Variants in CTNNA3 observed in about 807,000 individuals in gnomAD.
The protein encoded by CTNNA3 is catenin alpha-3.
A neutral mutation model predicts 95.7 loss-of-function variants in CTNNA3; 76 were observed. That is an observed-to-expected ratio of 0.79 (90% CI 0.66 to 0.96). CTNNA3 has a LOEUF of 0.96. Ranked by LOEUF, CTNNA3 falls within the 40% of genes least tolerant of loss-of-function variation. The probability of loss-of-function intolerance (pLI) is 0.00; values close to 1 mark genes in which losing one functional copy is unlikely to be tolerated. For missense variants in CTNNA3, 1,191 were observed against 1,089.8 expected (o/e 1.09, Z -1.31); for synonymous variants, 431 against 374.4 (o/e 1.15, Z -1.74).
chr10:67,735,109 C>T (rs1841295366), intron 1 of CTNNA3, among the ~76,000 whole-genome samples: 1 of 149,840 alleles, frequency 6.7e-6, no homozygotes, highest in African/African-American at 2.5e-5. Context: ...TTAACATGTC[C>T]ACCCTTCCAG....
intron 5 of CTNNA3, among the ~76,000 whole-genome samples, chr10:67,234,063 C>T (rs910770143): frequency 1.3e-5 from 2 of 152,170 alleles, no homozygotes; most frequent in Admixed American, 1.3e-4. Context: ...GCTGGATTCA[C>T]AGCCGAATTC....
chr10:67,532,359 G>T (rs897348715), intron 4 of CTNNA3, among the ~76,000 whole-genome samples: 8 of 152,170 alleles, frequency 5.3e-5, no homozygotes, highest in South Asian at 2.1e-4. Context: ...TGGCCTCGGA[G>T]AGTCTCAGCT....
intron 7 of CTNNA3, among the ~76,000 whole-genome samples, chr10:67,027,556 T>C (rs1178613941): frequency 6.6e-6 from 1 of 151,626 alleles, no homozygotes; most frequent in Non-Finnish European, 1.5e-5. Flanking sequence ...TGCCTCAGCC[T>C]TCCGAGTAGC....
chr10:67,442,316 AC>A (rs538846075), intron 5 of CTNNA3, among the ~76,000 whole-genome samples: 47 of 152,264 alleles, frequency 3.1e-4, no homozygotes, highest in African/African-American at 1.0e-3. Flanking sequence ...CCACAGAACA[AC>A]CAGAAAACAA....
intron 14 of CTNNA3, among the ~76,000 whole-genome samples, chr10:66,087,032 G>C (rs1485894953): frequency 6.6e-6 from 1 of 152,110 alleles, no homozygotes; most frequent in African/African-American, 2.4e-5. Context: ...CTGGAAGCTA[G>C]GTACATCCAA....
chr10:66,003,332 G>A (rs951698602), intron 15 of CTNNA3, among the ~76,000 whole-genome samples: 4 of 150,602 alleles, frequency 2.7e-5, no homozygotes, highest in African/African-American at 9.7e-5. Flanking sequence ...TGGTGGTGGT[G>A]TGTGTGTGTG....
At chr10:66,421,897 G>GATATATATAT (rs35513829) in intron 11 of CTNNA3, among the ~76,000 whole-genome samples, 2,288 of 107,988 alleles carry the variant, frequency 0.021, 115 homozygotes, top group East Asian at 0.061. Context: ...TAATAAATGT[G>GATATATATAT]ATATATATAT....
intron 5 of CTNNA3, among the ~76,000 whole-genome samples, chr10:67,455,569 C>T (rs1212896514): frequency 6.6e-6 from 1 of 152,128 alleles, no homozygotes; most frequent in African/African-American, 2.4e-5. Flanking sequence ...AAGTTAATAT[C>T]ATCATTGATA....
At chr10:66,991,436 T>A (rs1851030829) in intron 7 of CTNNA3, among the ~76,000 whole-genome samples, 1 of 152,212 alleles carries the variant, frequency 6.6e-6, no homozygotes, top group Non-Finnish European at 1.5e-5. Context: ...GGTAACACCA[T>A]CATGTTTTAT....
intron 5 of CTNNA3, among the ~76,000 whole-genome samples, chr10:67,474,032 A>AC (rs1847921439): frequency 6.6e-6 from 1 of 152,150 alleles, no homozygotes; most frequent in Non-Finnish European, 1.5e-5. Flanking sequence ...TTAGATCTTT[A>AC]CCCCTCCTCA....
chr10:67,623,031 T>C (rs534715713), intron 2 of CTNNA3, among the ~76,000 whole-genome samples: 1 of 152,194 alleles, frequency 6.6e-6, no homozygotes, highest in Non-Finnish European at 1.5e-5. Flanking sequence ...AAGAACACTC[T>C]ATGTGTGCAG....
chr10:67,412,296 T>C (rs563855884), intron 5 of CTNNA3, among the ~76,000 whole-genome samples: 34 of 152,266 alleles, frequency 2.2e-4, no homozygotes, highest in African/African-American at 7.5e-4. Flanking sequence ...ATTAGCAATT[T>C]GAATAGAATT....
At chr10:66,051,439 A>G (rs141703574) in intron 15 of CTNNA3, among the ~76,000 whole-genome samples, 1 of 152,326 alleles carries the variant, frequency 6.6e-6, no homozygotes, top group African/African-American at 2.4e-5. Context: ...ACTTACTTGC[A>G]AAATAATTCC....
At chr10:66,690,084 G>A (rs939558752) in intron 9 of CTNNA3, among the ~76,000 whole-genome samples, 1 of 152,080 alleles carries the variant, frequency 6.6e-6, no homozygotes, top group African/African-American at 2.4e-5. Flanking sequence ...ATTAGACACA[G>A]GAGTCTTAAA....
In CTNNA3 at chr10:66,749,009, C is replaced by CAAA. The variant is rs61130950; in HGVS notation, c.1281+17252_1281+17254dup. Among the ~76,000 whole-genome samples the CAAA allele has an allele frequency of 6.5e-3, 903 of 138,288 alleles. 8 individuals are homozygous for CAAA. The highest frequency in any genetic ancestry group is 7.1e-3 in the Non-Finnish European group (449 of 63,288). 90.7% of individuals were successfully genotyped at this position (138,288 alleles called of 152,430 possible). A position where few individuals can be genotyped will look rare whatever the true frequency, so the allele number is the denominator to read the frequency against. On this transcript the variant is annotated intron_variant, in intron 9 of 17. Coordinates refer to ENST00000433211, the MANE Select transcript of CTNNA3 (RefSeq NM_013266.4). ...CAACATAGTGAAACCCCATCTCTTC[C>CAAA]AAAAAAAAAAAAATACAAAATTAGC...
chr10:66,722,625 G>C (rs1298340366), intron 9 of CTNNA3, among the ~76,000 whole-genome samples: 1 of 148,480 alleles, frequency 6.7e-6, no homozygotes, highest in African/African-American at 2.5e-5. Context: ...TTTACACTCT[G>C]CATCTGTGTT....
intron 7 of CTNNA3, among the ~76,000 whole-genome samples, chr10:67,170,467 G>C (rs1309771225): frequency 3.9e-5 from 6 of 152,150 alleles, no homozygotes; most frequent in African/African-American, 1.2e-4. Context: ...GTCTTTTGTG[G>C]GAACGTGGAT....
chr10:67,277,194 C>T (rs1013644505), intron 5 of CTNNA3, among the ~76,000 whole-genome samples: 4 of 152,132 alleles, frequency 2.6e-5, no homozygotes, highest in Non-Finnish European at 5.9e-5. Flanking sequence ...CATAATCCTA[C>T]ATAAGATGAC....
intron 4 of CTNNA3, among the ~76,000 whole-genome samples, chr10:67,523,436 GAGT>G: frequency 6.6e-6 from 1 of 152,224 alleles, no homozygotes; most frequent in Non-Finnish European, 1.5e-5. Context: ...TTCTATAATT[GAGT>G]AAACTGGGTT....
Sources: allele counts gnomAD v4.1 joint callset (sites outside exome capture counted in the v4.1 genomes callset), GRCh38; gene constraint gnomAD v4.1.1; transcripts MANE v1.5; gene names NCBI Gene and HGNC (gene_info 2026-07-23, HGNC 2026-07-21).